PLK3: variants seen among roughly 807,000 people sequenced by gnomAD.
PLK3 encodes the protein polo like kinase 3.
PLK3 carries 41 observed loss-of-function variants against 71.6 expected under a neutral mutation model. The ratio of observed to expected loss-of-function variants is 0.57; its 90% confidence interval spans 0.45 to 0.74. The LOEUF (loss-of-function observed/expected upper bound fraction) is 0.74, where lower values mean the gene tolerates loss of function less well. PLK3 is among the 30% of genes least tolerant of loss of function. The pLI, the probability that PLK3 is intolerant of heterozygous loss-of-function variation, is 0.00. For missense variants in PLK3, 791 were observed against 875.6 expected (o/e 0.90, Z 1.22); for synonymous variants, 366 against 355.4 (o/e 1.03, Z -0.33).
chr1:44,804,493 C>T lies in PLK3; in HGVS notation c.1497C>T (p.Ala499=), dbSNP rs748902723. The T allele has an allele frequency of 1.5e-5, 24 of 1,613,974 alleles. No homozygotes were observed. The highest frequency in any genetic ancestry group is 1.7e-5 in the Non-Finnish European group (20 of 1,179,994). Reference sequence around the variant, plus strand: ...ATGGCACACATATGGCCCTGTCGGCCAACAGAAAGTAAGTGCTGTTATGGG... The same window carrying T: ...ATGGCACACATATGGCCCTGTCGGCTAACAGAAAGTAAGTGCTGTTATGGG... ...FNDGTHMALS[A]NRKTVHYNPT... The change falls in exon 12 of 15, where the codon GCC becomes GCT. Residue 499 remains alanine (A), a synonymous_variant. Transcript: ENST00000372201.
Position 44,802,844 on chromosome 1 carries a change from G to A in PLK3, c.738G>A (p.Leu246=), listed in dbSNP as rs1263244573. 2.5e-6 allele frequency: 4 copies of A among 1,613,346 alleles called. No individual in the cohort carries two copies. The highest frequency in any genetic ancestry group is 3.4e-6 in the Non-Finnish European group (4 of 1,179,290). ...GCCCTGAGGCGGATGTATGGTCACT[G>A]GGCTGTGTCATGTGAGTTGCAGGGT... ...GHGPEADVWS[L]GCVMYTLLCG... The change falls in exon 6 of 15, where the codon CTG becomes CTA. Residue 246 remains leucine, a synonymous_variant. Transcript: ENST00000372201.
In PLK3 at chr1:44,804,648, A is replaced by G; in HGVS notation, c.1506-2A>G. 6.2e-7 allele frequency: 1 copy of G among 1,613,590 alleles called. No homozygotes were observed. ...CCTCTGACCTCTGCCTCCCCATTCTAGGACTGTGCACTACAATCCCACCAG... is the reference window on the plus strand; with the variant it reads ...CCTCTGACCTCTGCCTCCCCATTCTGGGACTGTGCACTACAATCCCACCAG... On this transcript the variant is annotated splice_acceptor_variant, in intron 12 of 14. Transcript: ENST00000372201. LOFTEE classifies it high-confidence loss of function.
In PLK3 at chr1:44,805,582, C is replaced by T. The variant is rs752941998; in HGVS notation, c.1845C>T (p.Tyr615=). The stretch of plus-strand genomic sequence containing the variant: ...CCCGAAATCGTAGTGCTTGTACTTA[C>T]CTCGCTTCCCACCTTCGGCAGCTGG... ...FVARNRSACT[Y]LASHLRQLGC... The change falls in exon 15 of 15, where the codon TAC becomes TAT. Residue 615 remains tyrosine (Y), a synonymous_variant. Coordinates refer to ENST00000372201, the MANE Select transcript of PLK3 (RefSeq NM_004073.4). 30 of 1,614,088 alleles carry T rather than the reference C, an allele frequency of 1.9e-5. No individual in the cohort carries two copies. The highest frequency in any genetic ancestry group is 2.5e-5 in the Non-Finnish European group (29 of 1,180,000).
intron 5 of PLK3, among the ~76,000 whole-genome samples, chr1:44,802,167 T>A (rs909000004): frequency 3.3e-5 from 5 of 151,532 alleles, no homozygotes; most frequent in Non-Finnish European, 4.4e-5. Context: ...TGACTCTGAG[T>A]CCCTGAGACA....
rs1389729040 is a variant in PLK3, at chr1:44,804,343, A to G, written c.1347A>G (p.Glu449=). 6.2e-7 allele frequency: 1 copy of G among 1,613,996 alleles called. No individual in the cohort carries two copies. Among genetic ancestry groups the G allele is most frequent in the Non-Finnish European group, 8.5e-7 (1 of 1,179,970 alleles). ...RNCIAFMPPA[E]QNPAPLAQPE... is the part of the protein sequence containing the mutation. ...CTCCCTCCTCTCCCATGACAGCGGA[A>G]CAGAACCCGGCCCCCCTGGCCCAGC... The change falls in exon 12 of 15, where the codon GAA becomes GAG. Residue 449 remains glutamate (E), a synonymous_variant. Transcript: ENST00000372201.
rs981937897 is a variant in PLK3, at chr1:44,803,498, T to A, written c.1073-102T>A. On this transcript the variant is annotated intron_variant, in intron 8 of 14. Coordinates refer to ENST00000372201, the MANE Select transcript of PLK3 (RefSeq NM_004073.4). The surrounding 1 kb of genome is among the most constrained non-coding windows in gnomAD (Gnocchi z 4.3). ...TGCCTGGAAACTCCTGGGGAGAGCA[T>A]GTGCAGTACAGGCACTTGGGGAGGC... is the stretch of plus-strand genomic sequence containing the variant. 6.3e-7 allele frequency: 1 copy of A among 1,585,976 alleles called. No homozygotes were observed. Among genetic ancestry groups the A allele is most frequent in the Non-Finnish European group, 8.6e-7 (1 of 1,156,756 alleles).
In PLK3 at chr1:44,805,718, T is replaced by G; in HGVS notation, c.*40T>G. The G allele has an allele frequency of 6.3e-7, 1 of 1,583,342 alleles. No homozygotes were observed. The highest frequency in any genetic ancestry group is 8.6e-7 in the Non-Finnish European group (1 of 1,160,522). Reference sequence around the variant, plus strand: ...GGCCTGAGGCCTGTGCCTGTCAGGCTCTGGCCCTTGCCTTTGTGGCCTTCC... The same window carrying G: ...GGCCTGAGGCCTGTGCCTGTCAGGCGCTGGCCCTTGCCTTTGTGGCCTTCC... On this transcript the variant is annotated 3_prime_UTR_variant, in exon 15 of 15. Transcript: ENST00000372201.
In PLK3 at chr1:44,805,862, A is replaced by C; in HGVS notation, c.*184A>C. ...TGGCTCCTACCCCATCTCCAAGATA[A>C]GCCTGAGCCTTAGCTCCCAGCTAGG... On this transcript the variant is annotated 3_prime_UTR_variant, in exon 15 of 15. Transcript: ENST00000372201. The C allele has an allele frequency of 7.2e-7, 1 of 1,398,492 alleles. No individual in the cohort carries two copies. The highest frequency in any genetic ancestry group is 1.5e-5 in the South Asian group (1 of 67,058). 86.6% of individuals were successfully genotyped at this position (1,398,492 alleles called of 1,614,324 possible). A position where few individuals can be genotyped will look rare whatever the true frequency, so the allele number is the denominator to read the frequency against.
chr1:44,801,752 G>A lies in PLK3; in HGVS notation c.565+1G>A. The A allele has an allele frequency of 2.8e-6, 4 of 1,446,590 alleles. No individual in the cohort carries two copies. The highest frequency in any genetic ancestry group is 3.7e-6 in the Non-Finnish European group (4 of 1,068,914). 89.6% of individuals were successfully genotyped at this position (1,446,590 alleles called of 1,614,324 possible). A position where few individuals can be genotyped will look rare whatever the true frequency, so the allele number is the denominator to read the frequency against. ...ATCTTGCACCGGGACCTCAAGTTGG[G>A]TGAGACTCCTGAGCCTGGAGGATGG... On this transcript the variant is annotated splice_donor_variant, in intron 4 of 14. Coordinates refer to ENST00000372201, the MANE Select transcript of PLK3 (RefSeq NM_004073.4). LOFTEE classifies it high-confidence loss of function.
chr1:44,801,202 T>TC (rs1489292822), intron 3 of PLK3, 50 bp downstream of exon 3: 4 of 622,318 alleles, frequency 6.4e-6, no homozygotes, highest in Non-Finnish European at 1.1e-5. Flanking sequence ...GAGAAGACAG[T>TC]CTTTTTTTTT....
At position 44,804,491 on chromosome 1, in the gene PLK3, G is replaced by A; in HGVS notation, c.1495G>A (p.Ala499Thr). The A allele has an allele frequency of 6.2e-7, 1 of 1,614,140 alleles. No individual in the cohort carries two copies. The highest frequency in any genetic ancestry group is 8.5e-7 in the Non-Finnish European group (1 of 1,179,994). Residue 499 changes from alanine to threonine, a missense_variant, in exon 12 of 15, where the codon GCC (alanine) becomes ACC (threonine). Transcript: ENST00000372201. Reference sequence around the variant, plus strand: ...CGATGGCACACATATGGCCCTGTCGGCCAACAGAAAGTAAGTGCTGTTATG... The same window carrying A: ...CGATGGCACACATATGGCCCTGTCGACCAACAGAAAGTAAGTGCTGTTATG... ...FNDGTHMALS[A>T]NRKTVHYNPT...
chr1:44,801,203 CTTTTTTT>C (rs34463102), intron 3 of PLK3, 51 bp downstream of exon 3: 126 of 345,178 alleles, frequency 3.7e-4, no homozygotes, highest in South Asian at 1.8e-3. Flanking sequence ...AGAAGACAGT[CTTTTTTT>C]TTTTTTTTTT....
rs756873631 is a variant in PLK3, at chr1:44,802,750, C to A, written c.654-10C>A. ...CTCAGCCTTCTCTCCTCCTCCCCAC[C>A]CTCTTTCAGGACCATCTGTGGCACC... On this transcript the variant is annotated splice_polypyrimidine_tract_variant and intron_variant, in intron 5 of 14. Transcript: ENST00000372201. 2 of 1,603,580 alleles carry A rather than the reference C, an allele frequency of 1.2e-6. No homozygotes were observed. Among genetic ancestry groups the A allele is most frequent in the Non-Finnish European group, 1.7e-6 (2 of 1,171,548 alleles).
chr1:44,804,704 T>C lies in PLK3; in HGVS notation c.1560T>C (p.Ala520=), dbSNP rs771403411. 1.2e-6 allele frequency: 2 copies of C among 1,613,736 alleles called. No homozygotes were observed. Among genetic ancestry groups the C allele is most frequent in the South Asian group, 2.2e-5 (2 of 91,074 alleles). The change falls in exon 13 of 15, where the codon GCT becomes GCC. Residue 520 remains alanine, a synonymous_variant. Transcript: ENST00000372201. The part of the protein sequence containing the change: ...STKHFSFSVG[A]VPRALQPQLG... ...AGCACTTCTCCTTCTCCGTGGGTGC[T>C]GTGCCCCGGGCCCTGCAGCCTCAGC... is the stretch of plus-strand genomic sequence containing the variant.
intron 5 of PLK3, 55 bp downstream of exon 5, chr1:44,801,987 C>A: frequency 7.4e-7 from 1 of 1,345,726 alleles, no homozygotes; most frequent in Non-Finnish European, 1.1e-6. Flanking sequence ...GCGTGATAGA[C>A]AGTGCATATG....
rs757167930 is a variant in PLK3, at chr1:44,803,316, G to C, written c.997G>C (p.Asp333His). The C allele has an allele frequency of 1.2e-6, 2 of 1,614,106 alleles. No homozygotes were observed. Among genetic ancestry groups the C allele is most frequent in the Admixed American group, 3.3e-5 (2 of 59,996 alleles). ...TATCAGCAGCTGCGTGACAGTCCCA[G>C]ACCTGACACCCCCCAACCCAGCTAG... ...LPISSCVTVPDLTPPNPARSL... is the reference protein window; with the variant it reads ...LPISSCVTVPHLTPPNPARSL... The change falls in exon 8 of 15, where the codon GAC becomes CAC. Residue 333 changes from aspartate (D) to histidine (H), a missense_variant. Asp to His is a moderately conservative substitution (Grantham distance 81). Transcript: ENST00000372201. This position sits in a 1 kb window ranked among gnomAD's most constrained non-coding sequence, Gnocchi z 4.3.
chr1:44,803,006 G>A lies in PLK3; in HGVS notation c.801G>A (p.Glu267=), dbSNP rs144278029. The A allele has an allele frequency of 2.3e-3, 3,757 of 1,614,030 alleles. 6 individuals carry two copies. Among genetic ancestry groups the A allele is most frequent in the Non-Finnish European group, 3.0e-3 (3,594 of 1,179,970 alleles). ...SPPFETADLK[E]TYRCIKQVHY... ...CCTTTGAGACGGCTGACCTGAAGGAGACGTACCGCTGCATCAAGCAGGTTC... is the reference window on the plus strand; with the variant it reads ...CCTTTGAGACGGCTGACCTGAAGGAAACGTACCGCTGCATCAAGCAGGTTC... The change falls in exon 7 of 15, where the codon GAG becomes GAA. Residue 267 remains glutamate (E), a synonymous_variant. Transcript: ENST00000372201. The surrounding 1 kb of genome is among the most constrained non-coding windows in gnomAD (Gnocchi z 4.3).
chr1:44,801,700 G>A lies in PLK3; in HGVS notation c.514G>A (p.Gly172Ser), dbSNP rs1272806787. The change falls in exon 4 of 15, where the codon GGC (glycine) becomes AGC (serine). Residue 172 changes from glycine to serine, a missense_variant. By Grantham distance (56) the Gly-to-Ser change is moderately conservative (BLOSUM62 0). Transcript: ENST00000372201. ...CTACTACCTGCGGCAGATCCTTTCT[G>A]GCCTCAAGTACTTGCACCAGCGCGG... ...VRYYLRQILS[G>S]LKYLHQRGIL... is the part of the protein sequence containing the mutation. The A allele has an allele frequency of 1.2e-6, 2 of 1,613,126 alleles. No individual in the cohort carries two copies. Among genetic ancestry groups the A allele is most frequent in the Non-Finnish European group, 1.7e-6 (2 of 1,179,746 alleles).
rs1651920831 is a variant in PLK3, at chr1:44,803,870, T to C, written c.1165-61T>C. On this transcript the variant is annotated intron_variant, in intron 9 of 14. Transcript: ENST00000372201. The surrounding 1 kb of genome is among the most constrained non-coding windows in gnomAD (Gnocchi z 4.3). Reference sequence around the variant, plus strand: ...TGGGAGCCAGGGCAGGGCCAGGCCATGGACTCAAGGGTTTGGATTTTGGGG... The same window carrying C: ...TGGGAGCCAGGGCAGGGCCAGGCCACGGACTCAAGGGTTTGGATTTTGGGG... 7.6e-7 allele frequency: 1 copy of C among 1,316,164 alleles called. No homozygotes were observed. Among genetic ancestry groups the C allele is most frequent in the East Asian group, 2.5e-5 (1 of 39,712 alleles). The allele number at this position is 1,316,164 out of a possible 1,614,324, so 81.5% of individuals were successfully genotyped here. A position where few individuals can be genotyped will look rare whatever the true frequency, so the allele number is the denominator to read the frequency against.
Sources: gnomAD v4.1 joint callset for allele counts (sites outside exome capture counted in the v4.1 genomes callset) on GRCh38, gnomAD v4.1.1 for gene constraint, Gnocchi (gnomAD v3.1) non-coding constraint, MANE v1.5 for transcripts, NCBI Gene and HGNC (gene_info 2026-07-23, HGNC 2026-07-21) for gene names.